Variants in ARFGEF2 observed in about 807,000 individuals in gnomAD.
ARFGEF2 encodes the protein brefeldin A-inhibited guanine nucleotide-exchange protein 2.
A neutral mutation model predicts 219.9 loss-of-function variants in ARFGEF2; 74 were observed. The observed-to-expected ratio is 0.34, with a 90% CI of 0.28 to 0.41. The LOEUF is 0.41. Ranked by LOEUF, ARFGEF2 falls within the 10% of genes least tolerant of loss-of-function variation. ARFGEF2 has a pLI of 1.00. For missense variants in ARFGEF2, 1,743 were observed against 2,218.3 expected, an observed-to-expected ratio of 0.79 and a Z score of 4.30; for synonymous variants, 733 against 799.2, an observed-to-expected ratio of 0.92 and a Z score of 1.40.
At chr20:48,954,641 A>G (rs1474162051) in intron 6 of ARFGEF2, among the ~76,000 whole-genome samples, 1 of 152,158 alleles carries the variant, frequency 6.6e-6, no homozygotes, top group Non-Finnish European at 1.5e-5. Flanking sequence ...AGCAGGTTTT[A>G]TTCCTTTATA....
chr20:48,959,467 T>TCCATCCCTCCCTGCTTC (rs2091127895), intron 6 of ARFGEF2, among the ~76,000 whole-genome samples: 1 of 2,306 alleles, frequency 4.3e-4, no homozygotes, highest in East Asian at 0.014. Context: ...CTCCCTCCCT[T>TCCATCCCTCCCTGCTTC]CTTCTCTCCT....
intron 25 of ARFGEF2, among the ~76,000 whole-genome samples, chr20:49,001,458 A>G (rs2091424801): frequency 6.6e-6 from 1 of 152,190 alleles, no homozygotes; most frequent in South Asian, 2.1e-4. Context: ...ATCCAGCTGT[A>G]ACTTAGCCCT....
intron 1 of ARFGEF2, among the ~76,000 whole-genome samples, chr20:48,935,635 G>T (rs866898981): frequency 6.6e-6 from 1 of 152,110 alleles, no homozygotes; most frequent in Non-Finnish European, 1.5e-5. Context: ...GGTGGTGGCC[G>T]GGCAGAGGGG....
chr20:48,972,388 G>A lies in ARFGEF2; in HGVS notation c.1488G>A (p.Arg496=). Residue 496 remains arginine, a synonymous_variant, in exon 11 of 39, where the codon AGG becomes AGA. Transcript: ENST00000371917. ...CATCAACAAGTTCTTTTGAGCACAGGTGGATGGTCATTCAGACTCTGACGA... is the reference window on the plus strand; with the variant it reads ...CATCAACAAGTTCTTTTGAGCACAGATGGATGGTCATTCAGACTCTGACGA... ...LETSTSSFEH[R]WMVIQTLTRI... The A allele has an allele frequency of 6.2e-7, 1 of 1,614,142 alleles. No individual in the cohort carries two copies. Among genetic ancestry groups the A allele is most frequent in the Non-Finnish European group, 8.5e-7 (1 of 1,180,012 alleles).
At position 48,922,007 on chromosome 20, in the gene ARFGEF2, C is replaced by T. The variant is rs1406043421; in HGVS notation, c.118C>T (p.Leu40Phe). Residue 40 changes from leucine to phenylalanine, a missense_variant, in exon 1 of 39, where the codon CTC becomes TTC. Leu to Phe is a conservative substitution (Grantham distance 22). Around this residue, in one of 5 missense-constraint regions of ARFGEF2, gnomAD observed 394 missense variants for 426.6 expected, o/e 0.92. Transcript: ENST00000371917. ...GCTGCGCAGGGCCTGCCAGGTGGCG[C>T]TCGGTGGGTGAGCCGCTCCCGCCCT... ...SQLRRACQVALDEIKAEIEKQ... is the reference protein window; with the variant it reads ...SQLRRACQVAFDEIKAEIEKQ... 4 of 1,577,862 alleles carry T rather than the reference C, an allele frequency of 2.5e-6. No homozygotes were observed. The highest frequency in any genetic ancestry group is 2.3e-5 in the East Asian group (1 of 42,780).
At chr20:48,988,153 G>C in intron 16 of ARFGEF2, 151 bp from the exon 17 acceptor site, 1 of 669,556 alleles carries the variant, frequency 1.5e-6, no homozygotes, top group Non-Finnish European at 2.7e-6. Flanking sequence ...GCTAAGTCTT[G>C]TTCAGTGATG....
At chr20:48,958,013 T>G (rs2091115577) in intron 6 of ARFGEF2, among the ~76,000 whole-genome samples, 1 of 152,220 alleles carries the variant, frequency 6.6e-6, no homozygotes, top group South Asian at 2.1e-4. Flanking sequence ...GTTTTTCTCC[T>G]TAGGAATGAA....
intron 8 of ARFGEF2, among the ~76,000 whole-genome samples, chr20:48,968,822 A>C (rs1298490384): frequency 6.6e-6 from 1 of 152,278 alleles, no homozygotes; most frequent in African/African-American, 2.4e-5. Context: ...AATTGCTGTG[A>C]TGGCTTCTCC....
At chr20:48,956,580 A>G (rs760068536) in intron 6 of ARFGEF2, among the ~76,000 whole-genome samples, 2 of 151,734 alleles carry the variant, frequency 1.3e-5, no homozygotes, top group Non-Finnish European at 2.9e-5. Flanking sequence ...CACTTTTTGC[A>G]TCTTTTTTTT....
intron 1 of ARFGEF2, among the ~76,000 whole-genome samples, chr20:48,940,232 T>C (rs1487079714): frequency 6.6e-6 from 1 of 152,216 alleles, no homozygotes; most frequent in Non-Finnish European, 1.5e-5. Context: ...TTAATTTTAA[T>C]TCAAAAAAGT....
intron 6 of ARFGEF2, among the ~76,000 whole-genome samples, chr20:48,955,401 T>TA (rs1342421749): frequency 6.6e-6 from 1 of 152,146 alleles, no homozygotes; most frequent in Non-Finnish European, 1.5e-5. Flanking sequence ...CCATAGTACT[T>TA]ACAATACCTG....
At chr20:48,965,559 A>C (rs2091182073) in intron 7 of ARFGEF2, among the ~76,000 whole-genome samples, 1 of 152,184 alleles carries the variant, frequency 6.6e-6, no homozygotes, top group Admixed American at 6.5e-5. Flanking sequence ...AGCTGCTTCT[A>C]ATCTTTTTCA....
intron 36 of ARFGEF2, among the ~76,000 whole-genome samples, chr20:49,028,146 T>A (rs1483805264): frequency 1.3e-5 from 2 of 152,086 alleles, no homozygotes; most frequent in African/African-American, 4.8e-5. Context: ...TAATCCCAGC[T>A]ACTAGGGAGG....
At chr20:49,001,054 CTTTTTTTTTTTT>C (rs66754799) in intron 25 of ARFGEF2, among the ~76,000 whole-genome samples, 7 of 60,562 alleles carry the variant, frequency 1.2e-4, no homozygotes, top group Admixed American at 2.1e-4. Flanking sequence ...CTCAGGAACT[CTTTTTTTTTTTT>C]TTTTTTTTTT....
At chr20:49,021,492 T>C (rs910146642) in intron 34 of ARFGEF2, among the ~76,000 whole-genome samples, 1 of 152,088 alleles carries the variant, frequency 6.6e-6, no homozygotes, top group African/African-American at 2.4e-5. Flanking sequence ...AAAGAGGATA[T>C]AGTTAGTCTA....
chr20:49,027,137 T>C (rs979315531), intron 36 of ARFGEF2, among the ~76,000 whole-genome samples: 4 of 151,840 alleles, frequency 2.6e-5, no homozygotes, highest in Admixed American at 1.3e-4. Context: ...TAGGCTGGAG[T>C]GCAGTGGCGT....
Position 48,998,225 on chromosome 20 carries a change from A to G in ARFGEF2, c.3254A>G (p.Asn1085Ser), listed in dbSNP as rs760217592. The G allele has an allele frequency of 6.2e-7, 1 of 1,614,142 alleles. No individual in the cohort carries two copies. Among genetic ancestry groups the G allele is most frequent in the African/African-American group, 1.3e-5 (1 of 75,040 alleles). Residue 1085 changes from asparagine (N) to serine (S), a missense_variant, in exon 24 of 39, where the codon AAT becomes AGT. Asn to Ser is a conservative substitution (Grantham distance 46, BLOSUM62 1). This residue lies in a region of ARFGEF2 where 666 missense variants were observed against 955.4 expected (regional missense o/e 0.70). Coordinates refer to ENST00000371917, the MANE Select transcript of ARFGEF2 (RefSeq NM_006420.3). ...IFTGSTRLDG[N>S]AIVDFVRWLC... ...ACTGGGTCTACCAGACTGGATGGAA[A>G]TGCAATAGGTATGTATTTGACTTAC...
chr20:48,998,283 C>T lies in ARFGEF2; in HGVS notation c.3262+50C>T, dbSNP rs372432941. 1.1e-5 allele frequency: 18 copies of T among 1,614,106 alleles called. No homozygotes were observed. In the African/African-American group the frequency reaches 1.9e-4, roughly 17 times the overall value. ...AACTGCAGAAGCCTCACGCTGTGAC[C>T]GTCTGACTGTTCCTAACGAGGCTTT... is the stretch of plus-strand genomic sequence containing the variant. On this transcript the variant is annotated intron_variant, in intron 24 of 38. Transcript: ENST00000371917.
At chr20:49,032,615 CAG>C (rs2091643030) in intron 38 of ARFGEF2, among the ~76,000 whole-genome samples, 3 of 149,376 alleles carry the variant, frequency 2.0e-5, no homozygotes, top group Admixed American at 2.0e-4. Context: ...TTTTTTGAGA[CAG>C]AGTCTTGGTC....
Sources: gnomAD v4.1 joint callset for allele counts (sites outside exome capture counted in the v4.1 genomes callset) on GRCh38, gnomAD v4.1.1 for gene constraint, gnomAD v4.1.1 regional missense constraint, MANE v1.5 for transcripts, NCBI Gene and HGNC (gene_info 2026-07-23, HGNC 2026-07-21) for gene names.